Variants in ZNF407 observed in about 807,000 individuals in gnomAD.
ZNF407 encodes zinc finger protein 407.
Under a neutral mutation model 131.2 loss-of-function variants are expected in ZNF407, and 17 were observed. That is an observed-to-expected ratio of 0.13 (90% CI 0.09 to 0.19). The LOEUF is 0.19. Among genes scored for constraint, ZNF407 ranks in the 10% least tolerant of loss-of-function variants. ZNF407 has a pLI of 1.00. For missense variants in ZNF407, 2,681 were observed against 2,830.6 expected (o/e 0.95, Z 1.20); for synonymous variants, 1,156 against 1,062.0 (o/e 1.09, Z -1.72).
intron 4 of ZNF407, among the ~76,000 whole-genome samples, chr18:74,799,525 A>T (rs1025260318): frequency 2.0e-5 from 3 of 152,130 alleles, no homozygotes; most frequent in Non-Finnish European, 4.4e-5. Flanking sequence ...ATCATGTAAC[A>T]TTGATTTATG....
intron 3 of ZNF407, among the ~76,000 whole-genome samples, chr18:74,733,137 A>G (rs964029285): frequency 2.0e-5 from 3 of 152,114 alleles, no homozygotes; most frequent in African/African-American, 4.8e-5. Flanking sequence ...TTCAAGATAT[A>G]ATAAGCAAGA....
chr18:75,001,759 G>A (rs1176271674), intron 8 of ZNF407, among the ~76,000 whole-genome samples: 10 of 152,216 alleles, frequency 6.6e-5, no homozygotes, highest in Non-Finnish European at 1.3e-4. Flanking sequence ...TAAAGATGGA[G>A]TACAGAATAG....
chr18:74,977,600 T>C (rs1046354758), intron 8 of ZNF407, among the ~76,000 whole-genome samples: 1 of 152,238 alleles, frequency 6.6e-6, no homozygotes, highest in African/African-American at 2.4e-5. Flanking sequence ...AGCCTGTGAC[T>C]GAGTGGAAAG....
intron 3 of ZNF407, among the ~76,000 whole-genome samples, chr18:74,768,063 A>G (rs1834786883): frequency 6.6e-6 from 1 of 152,122 alleles, no homozygotes; most frequent in African/African-American, 2.4e-5. Context: ...ATTTTCACAT[A>G]AATTACAACT....
intron 8 of ZNF407, among the ~76,000 whole-genome samples, chr18:74,932,164 A>T (rs1433998231): frequency 6.6e-6 from 1 of 152,210 alleles, no homozygotes; most frequent in Non-Finnish European, 1.5e-5. Flanking sequence ...TTATGCTTTT[A>T]TTACACTTTA....
intron 8 of ZNF407, among the ~76,000 whole-genome samples, chr18:75,009,055 T>C (rs1246262423): frequency 6.6e-6 from 1 of 152,218 alleles, no homozygotes; most frequent in Non-Finnish European, 1.5e-5. Flanking sequence ...TAATATTGAG[T>C]AGAATAGGCT....
At chr18:74,687,445 G>A (rs1380600119) in intron 3 of ZNF407, among the ~76,000 whole-genome samples, 3 of 152,164 alleles carry the variant, frequency 2.0e-5, no homozygotes, top group South Asian at 2.1e-4. Context: ...GCTGGGAAGC[G>A]CAGGTGGCGG....
chr18:74,985,364 A>G (rs1023528801), intron 8 of ZNF407, among the ~76,000 whole-genome samples: 1 of 152,194 alleles, frequency 6.6e-6, no homozygotes, highest in African/African-American at 2.4e-5. Flanking sequence ...AGTGTTTCCT[A>G]TATCATATTA....
chr18:74,986,701 G>A (rs1381954285), intron 8 of ZNF407, among the ~76,000 whole-genome samples: 1 of 152,084 alleles, frequency 6.6e-6, no homozygotes, highest in African/African-American at 2.4e-5. Flanking sequence ...GTAGATAGCT[G>A]GAAGTAAATT....
At chr18:75,058,939 T>A (rs1272797607) in intron 8 of ZNF407, among the ~76,000 whole-genome samples, 1 of 152,202 alleles carries the variant, frequency 6.6e-6, no homozygotes, top group Non-Finnish European at 1.5e-5. Context: ...GCTGTTACAT[T>A]TTATAGGTGC....
chr18:74,978,706 G>T (rs1972555079), intron 8 of ZNF407, among the ~76,000 whole-genome samples: 1 of 151,852 alleles, frequency 6.6e-6, no homozygotes, highest in Non-Finnish European at 1.5e-5. Flanking sequence ...GATACAGATG[G>T]AACATCCAGG....
intron 8 of ZNF407, among the ~76,000 whole-genome samples, chr18:74,991,010 C>A (rs1451221790): frequency 6.6e-6 from 1 of 152,104 alleles, no homozygotes; most frequent in East Asian, 1.9e-4. Context: ...CGGAGAAGTT[C>A]AGAGGAAAAA....
chr18:74,736,018 A>G (rs1393663473), intron 3 of ZNF407, among the ~76,000 whole-genome samples: 1 of 152,226 alleles, frequency 6.6e-6, no homozygotes, highest in Non-Finnish European at 1.5e-5. Flanking sequence ...AACTTGCAGA[A>G]TGCAAGGAAA....
At chr18:74,873,020 C>T (rs1971109540) in intron 4 of ZNF407, among the ~76,000 whole-genome samples, 1 of 151,952 alleles carries the variant, frequency 6.6e-6, no homozygotes, top group Non-Finnish European at 1.5e-5. Flanking sequence ...AATGTGGAAA[C>T]ATAAGGTTAT....
intron 4 of ZNF407, among the ~76,000 whole-genome samples, chr18:74,805,445 A>T (rs1445678422): frequency 6.6e-6 from 1 of 152,250 alleles, no homozygotes; most frequent in African/African-American, 2.4e-5. Context: ...AAAGATAAAT[A>T]CCTACTTACA....
chr18:74,617,053 A>C (rs1983333991), intron 1 of ZNF407, among the ~76,000 whole-genome samples: 4 of 92,848 alleles, frequency 4.3e-5, no homozygotes, highest in Admixed American at 1.3e-4. Flanking sequence ...ACACATCCAT[A>C]TCCACACACA....
At chr18:74,657,368 TA>T (rs1251206006) in intron 3 of ZNF407, among the ~76,000 whole-genome samples, 1 of 152,202 alleles carries the variant, frequency 6.6e-6, no homozygotes, top group African/African-American at 2.4e-5. Flanking sequence ...TCATCTTTCT[TA>T]AAAACAGATT....
rs555737348 is a variant in ZNF407 at position 74,870,095 on chromosome 18, G to A, written c.4878-7102G>A. On this transcript the variant is annotated intron_variant, in intron 4 of 8. Coordinates refer to ENST00000299687, the MANE Select transcript of ZNF407 (RefSeq NM_017757.3). ...TTCTTTTAGAATGAGTCATTCTCTTGGTTCTTAGTAGACTGAGGCAGCCTG... is the reference window on the plus strand; with the variant it reads ...TTCTTTTAGAATGAGTCATTCTCTTAGTTCTTAGTAGACTGAGGCAGCCTG... 2.0e-5 allele frequency among the ~76,000 whole-genome samples: 3 copies of A among 152,230 alleles called. No individual in the cohort carries two copies. The Middle Eastern group carries it at 0.01, about 518-fold the overall frequency.
chr18:74,896,842 C>T (rs893509439), intron 7 of ZNF407, among the ~76,000 whole-genome samples: 3 of 152,114 alleles, frequency 2.0e-5, no homozygotes, highest in African/African-American at 7.2e-5. Context: ...GAATGTTGTA[C>T]TATGTGTTAA....
Sources: gnomAD v4.1 joint callset for allele counts (sites outside exome capture counted in the v4.1 genomes callset) on GRCh38, gnomAD v4.1.1 for gene constraint, MANE v1.5 for transcripts, NCBI Gene and HGNC (gene_info 2026-07-23, HGNC 2026-07-21) for gene names.